ACSM2A: variants seen among roughly 807,000 people sequenced by gnomAD.
ACSM2A encodes acyl-coenzyme A synthetase ACSM2A, mitochondrial.
ACSM2A carries 72 observed loss-of-function variants against 76.6 expected under a neutral mutation model. The observed-to-expected ratio is 0.94, with a 90% CI of 0.78 to 1.14. The LOEUF is 1.14. Ranked by LOEUF, ACSM2A falls within the 50% of genes most tolerant of loss-of-function variation. The probability of loss-of-function intolerance (pLI) is 0.00; values close to 1 mark genes in which losing one functional copy is unlikely to be tolerated. For missense variants in ACSM2A, 684 were observed against 708.5 expected, an observed-to-expected ratio of 0.97 and a Z score of 0.39; for synonymous variants, 249 against 255.9, an observed-to-expected ratio of 0.97 and a Z score of 0.26.
intron 12 of ACSM2A, 150 bp from the exon 13 acceptor site, chr16:20,482,908 C>A (rs1230636133): frequency 7.7e-7 from 1 of 1,297,728 alleles, no homozygotes; most frequent in East Asian, 2.5e-5. Context: ...ATTCATGTCC[C>A]CAGTTTTCTC....
At chr16:20,465,865 C>T (rs2012965276) in intron 3 of ACSM2A, 138 bp downstream of exon 3, 3 of 1,431,296 alleles carry the variant, frequency 2.1e-6, no homozygotes, top group Non-Finnish European at 2.8e-6. Context: ...AAGACATCTC[C>T]CTACTTCCAC....
chr16:20,475,294 C>T (rs1360487384), intron 6 of ACSM2A, 68 bp from the exon 7 acceptor site: 12 of 1,610,820 alleles, frequency 7.4e-6, no homozygotes, highest in Admixed American at 1.7e-5. Context: ...CAATTGTAAC[C>T]ACTGTGCATA....
At chr16:20,467,824 C>T (rs2013106446) in intron 3 of ACSM2A, among the ~76,000 whole-genome samples, 2 of 152,090 alleles carry the variant, frequency 1.3e-5, no homozygotes, top group Admixed American at 1.3e-4. Flanking sequence ...ATTTGAGAAT[C>T]ATCAACTTTT....
At chr16:20,468,557 G>A (rs575362871) in intron 3 of ACSM2A, among the ~76,000 whole-genome samples, 15 of 152,182 alleles carry the variant, frequency 9.9e-5, no homozygotes, top group African/African-American at 1.7e-4. Context: ...CTGGGGTTTC[G>A]CCATGTTGGC....
chr16:20,465,639 C>T lies in ACSM2A; in HGVS notation c.300C>T (p.Ala100=). ...AGGCAGCCAACGTCCTCTCGGGAGC[C>T]TGTGGCCTGCAGCGTGGGGATCGTG... ...SQQAANVLSG[A]CGLQRGDRVA... is the part of the protein sequence containing the mutation. Residue 100 remains alanine, a synonymous_variant, in exon 3 of 14, where the codon GCC becomes GCT. Coordinates refer to ENST00000573854, the MANE Select transcript of ACSM2A (RefSeq NM_001308172.2). 6.2e-7 allele frequency: 1 copy of T among 1,614,022 alleles called. No homozygotes were observed. Among genetic ancestry groups the T allele is most frequent in the Non-Finnish European group, 8.5e-7 (1 of 1,179,874 alleles).
intron 3 of ACSM2A, 105 bp downstream of exon 3, chr16:20,465,832 T>C (rs2012962922): frequency 1.3e-6 from 2 of 1,482,918 alleles, no homozygotes; most frequent in East Asian, 2.5e-5. Context: ...CCTTGGAGCA[T>C]GCTGTCCTGT....
intron 6 of ACSM2A, chr16:20,474,063 T>C: frequency 2.2e-6 from 1 of 450,770 alleles, no homozygotes; most frequent in Non-Finnish European, 4.4e-6. Flanking sequence ...CAAACCAATG[T>C]ATTTTTTAAA....
intron 6 of ACSM2A, among the ~76,000 whole-genome samples, 188 bp downstream of exon 6, chr16:20,471,877 G>A (rs1019596701): frequency 1.3e-5 from 2 of 152,168 alleles, no homozygotes; most frequent in South Asian, 2.1e-4. Flanking sequence ...GTAGGAGAGA[G>A]GCACATATAT....
chr16:20,483,557 G>A (rs1364706519), intron 13 of ACSM2A, among the ~76,000 whole-genome samples: 1 of 97,672 alleles, frequency 1.0e-5, no homozygotes, highest in African/African-American at 3.9e-5. Flanking sequence ...GTGACAGAGT[G>A]AGACTCTGTC....
intron 1 of ACSM2A, among the ~76,000 whole-genome samples, chr16:20,456,321 CA>C (rs2012154450): frequency 7.2e-6 from 1 of 139,778 alleles, no homozygotes; most frequent in Non-Finnish European, 1.5e-5. Context: ...ATTTACAGAA[CA>C]TTCTACCCAA....
At chr16:20,476,720 G>A in intron 8 of ACSM2A, 1 of 1,011,408 alleles carries the variant, frequency 9.9e-7, no homozygotes, top group Non-Finnish European at 1.2e-6. Context: ...GGGTCATTGT[G>A]ATATCTTTTG....
intron 10 of ACSM2A, among the ~76,000 whole-genome samples, chr16:20,479,260 C>A (rs1408196213): frequency 6.6e-6 from 1 of 152,086 alleles, no homozygotes; most frequent in Non-Finnish European, 1.5e-5. Context: ...CCTTCTGATC[C>A]CTGAGAGAAT....
At chr16:20,474,198 G>C (rs962419039) in intron 6 of ACSM2A, 15 of 320,438 alleles carry the variant, frequency 4.7e-5, no homozygotes, top group Non-Finnish European at 7.2e-5. Flanking sequence ...CTCATGTTTG[G>C]CTCAGAATAA....
chr16:20,458,872 T>G (rs2012382687), intron 1 of ACSM2A, among the ~76,000 whole-genome samples: 2 of 134,468 alleles, frequency 1.5e-5, no homozygotes, highest in South Asian at 2.4e-4. Context: ...ATATACTATA[T>G]AATACATACA....
chr16:20,458,933 C>CTATATAT (rs1429453813), intron 1 of ACSM2A, among the ~76,000 whole-genome samples: 1 of 34,214 alleles, frequency 2.9e-5, no homozygotes, highest in African/African-American at 1.9e-4. Context: ...TATATATATA[C>CTATATAT]ATATATATAT....
At chr16:20,481,282 T>C (rs1003093798) in intron 12 of ACSM2A, 20 of 269,688 alleles carry the variant, frequency 7.4e-5, no homozygotes, top group Non-Finnish European at 1.4e-4. Context: ...CCCATGGTAA[T>C]TGCAGCACTA....
Position 20,467,258 on chromosome 16 carries a change from A to T in ACSM2A, c.388+1531A>T, listed in dbSNP as rs549832828. ...AACATGTAGAGGTGGCCAGGTGCTA[A>T]ACTGGCAGTGCCTTGTGGTCCTTGG... On this transcript the variant is annotated intron_variant, in intron 3 of 13. Transcript: ENST00000573854. Among the ~76,000 whole-genome samples, 873 of 152,252 alleles carry T rather than the reference A, an allele frequency of 5.7e-3. 2 individuals are homozygous for T. The highest frequency in any genetic ancestry group is 9.1e-3 in the Non-Finnish European group (617 of 68,002).
chr16:20,482,156 G>C, intron 12 of ACSM2A: 1 of 136,546 alleles, frequency 7.3e-6, no homozygotes, highest in East Asian at 2.2e-4. Flanking sequence ...AAAAAAAAAA[G>C]AAAGAAAAAA....
intron 13 of ACSM2A, among the ~76,000 whole-genome samples, chr16:20,486,371 T>C (rs797007278): frequency 6.6e-6 from 1 of 152,250 alleles, no homozygotes; most frequent in Non-Finnish European, 1.5e-5. Flanking sequence ...TCTGAGAATA[T>C]GTCAAAGACC....
Sources: allele counts gnomAD v4.1 joint callset (sites outside exome capture counted in the v4.1 genomes callset), GRCh38; gene constraint gnomAD v4.1.1; transcripts MANE v1.5; gene names NCBI Gene and HGNC (gene_info 2026-07-23, HGNC 2026-07-21).